Variants in R3HDM2 observed in about 807,000 individuals in gnomAD.
R3HDM2 encodes the protein R3H domain containing 2, also known as R3H domain-containing protein 2.
R3HDM2 carries 38 observed loss-of-function variants against 124.5 expected under a neutral mutation model. That is an observed-to-expected ratio of 0.31 (90% CI 0.24 to 0.40). The LOEUF (loss-of-function observed/expected upper bound fraction) is 0.40, where lower values mean the gene tolerates loss of function less well. Among genes scored for constraint, R3HDM2 ranks in the 10% least tolerant of loss-of-function variants. The pLI, the probability that R3HDM2 is intolerant of heterozygous loss-of-function variation, is 1.00. For missense variants in R3HDM2, 869 were observed against 1,236.9 expected, an observed-to-expected ratio of 0.70 and a Z score of 4.46; for synonymous variants, 391 against 448.0, an observed-to-expected ratio of 0.87 and a Z score of 1.61.
chr12:57,346,037 G>A (rs1402842136), intron 2 of R3HDM2, among the ~76,000 whole-genome samples: 1 of 151,870 alleles, frequency 6.6e-6, no homozygotes, highest in Non-Finnish European at 1.5e-5. Context: ...GTGGGTGCCT[G>A]TAATCCCAGC....
At chr12:57,364,923 A>T (rs1247965054) in intron 2 of R3HDM2, among the ~76,000 whole-genome samples, 1 of 137,130 alleles carries the variant, frequency 7.3e-6, no homozygotes, top group Non-Finnish European at 1.5e-5. Context: ...ACTGCACTCC[A>T]GCCTGGGTGA....
Position 57,354,926 on chromosome 12 carries a change from G to A in R3HDM2, c.-36+40823C>T, listed in dbSNP as rs529777044. Among the ~76,000 whole-genome samples the A allele has an allele frequency of 6.6e-4, 100 of 151,980 alleles. 1 individual carries two copies. Among genetic ancestry groups the A allele is most frequent in the African/African-American group, 2.4e-3 (98 of 41,524 alleles). On this transcript the variant is annotated intron_variant, in intron 2 of 23. Coordinates refer to ENST00000402412, the MANE Select transcript of R3HDM2 (RefSeq NM_001394031.1). ...TGCAGCCTCGACCTCTCAGACTCAA[G>A]CGATTCTCCCACCTCAGCCTCCTGA...
At chr12:57,297,481 T>C in intron 7 of R3HDM2, 94 bp from the exon 8 acceptor site, 1 of 732,318 alleles carries the variant, frequency 1.4e-6, no homozygotes, top group East Asian at 2.9e-5. Context: ...ACTTGCTCAT[T>C]ACAGAAGCTG....
chr12:57,395,985 C>A (rs2067441626), intron 1 of R3HDM2, among the ~76,000 whole-genome samples, 167 bp from the exon 2 acceptor site: 1 of 152,120 alleles, frequency 6.6e-6, no homozygotes, highest in Non-Finnish European at 1.5e-5. Context: ...CCCTCTATAT[C>A]CATTCCCACT....
chr12:57,287,952 T>G (rs945324101), intron 12 of R3HDM2, among the ~76,000 whole-genome samples: 1 of 151,422 alleles, frequency 6.6e-6, no homozygotes, highest in African/African-American at 2.4e-5. Context: ...TCAGAGTAAG[T>G]AATGAACAAT....
At chr12:57,332,921 T>C (rs1446711645) in intron 2 of R3HDM2, among the ~76,000 whole-genome samples, 1 of 152,224 alleles carries the variant, frequency 6.6e-6, no homozygotes, top group African/African-American at 2.4e-5. Flanking sequence ...TCGCTTTCAA[T>C]CCTTTAGCTC....
chr12:57,394,334 G>T (rs556835297), intron 2 of R3HDM2, among the ~76,000 whole-genome samples: 3 of 151,630 alleles, frequency 2.0e-5, no homozygotes, highest in Non-Finnish European at 4.4e-5. Flanking sequence ...CAGCGGGCAC[G>T]GTGGTGGCTC....
intron 2 of R3HDM2, among the ~76,000 whole-genome samples, chr12:57,391,979 T>C (rs766432553): frequency 3.3e-5 from 5 of 152,162 alleles, no homozygotes; most frequent in Non-Finnish European, 7.4e-5. Context: ...CTGGCCAACA[T>C]GGCAAAATCC....
chr12:57,404,030 AT>A (rs2068285505), intron 1 of R3HDM2, among the ~76,000 whole-genome samples: 1 of 151,030 alleles, frequency 6.6e-6, no homozygotes, highest in Non-Finnish European at 1.5e-5. Flanking sequence ...CTAAAAAAAA[AT>A]AATAAAAATA....
intron 3 of R3HDM2, among the ~76,000 whole-genome samples, chr12:57,304,026 A>G (rs1161970223): frequency 5.3e-5 from 8 of 152,166 alleles, no homozygotes; most frequent in Admixed American, 6.5e-5. Flanking sequence ...ACCATCACTT[A>G]TAATATCTTT....
intron 7 of R3HDM2, chr12:57,297,669 A>G: frequency 2.7e-6 from 1 of 373,184 alleles, no homozygotes; most frequent in Non-Finnish European, 4.8e-6. Context: ...TCATATAAAC[A>G]CACGTTATAA....
chr12:57,275,849 G>C (rs995920254), intron 14 of R3HDM2, among the ~76,000 whole-genome samples: 8 of 152,156 alleles, frequency 5.3e-5, no homozygotes, highest in South Asian at 4.1e-4. Flanking sequence ...CAGTGTCAGG[G>C]AACACTTCTA....
chr12:57,356,873 C>T (rs1205016109), intron 2 of R3HDM2, among the ~76,000 whole-genome samples: 3 of 152,066 alleles, frequency 2.0e-5, no homozygotes, highest in African/African-American at 7.2e-5. Context: ...TTTGGGAGGC[C>T]GAGGCGGGCG....
At chr12:57,405,772 T>G (rs2068471978) in intron 1 of R3HDM2, among the ~76,000 whole-genome samples, 1 of 152,132 alleles carries the variant, frequency 6.6e-6, no homozygotes, top group Non-Finnish European at 1.5e-5. Context: ...ACCAACACAC[T>G]AAGCAAATGA....
Position 57,341,324 on chromosome 12 carries a change from G to T in R3HDM2, c.-35-30861C>A, listed in dbSNP as rs557096106. ...TAGCACCTTTAAAACATCCCACTTT[G>T]GCTTCAGCTCTATTCAATGGCACCC... On this transcript the variant is annotated intron_variant, in intron 2 of 23. Transcript: ENST00000402412. The T allele has an allele frequency of 1.4e-5, 11 of 768,008 alleles. No homozygotes were observed. In the African/African-American group the frequency reaches 1.9e-4, roughly 13 times the overall value. The allele number at this position is 768,008 out of a possible 1,614,324, so 47.6% of individuals were successfully genotyped here.
In R3HDM2 at chr12:57,296,058, C is replaced by T. The variant is rs1310525396; in HGVS notation, c.701+353G>A. On this transcript the variant is annotated intron_variant, in intron 9 of 23. Transcript: ENST00000402412. The surrounding 1 kb of genome is among the most constrained non-coding windows in gnomAD (Gnocchi z 4.5). ...CTAATTTTTGTATTTTTAGTAGAGA[C>T]GGGGTTTCACCATCTTGGCCAAGCG... Among the ~76,000 whole-genome samples, 1 of 151,824 alleles carries T rather than the reference C, an allele frequency of 6.6e-6. No homozygotes were observed. Among genetic ancestry groups the T allele is most frequent in the Non-Finnish European group, 1.5e-5 (1 of 67,946 alleles).
chr12:57,429,302 G>A (rs1433574225), intron 1 of R3HDM2, among the ~76,000 whole-genome samples: 9 of 152,184 alleles, frequency 5.9e-5, no homozygotes, highest in Non-Finnish European at 1.2e-4. Flanking sequence ...AATTTAACTT[G>A]TTAGGAGTTC....
chr12:57,268,582 T>C lies in R3HDM2; in HGVS notation c.1876-125A>G, dbSNP rs1302074714. ...TCCCTACCTTAGATCCTCCTCCTGT[T>C]TTCCCCATCTGCCTAAAGAAAATGT... On this transcript the variant is annotated intron_variant, in intron 17 of 23. Transcript: ENST00000402412. The C allele has an allele frequency of 4.0e-6, 4 of 1,000,906 alleles. No homozygotes were observed. The Admixed American group carries it at 1.0e-4, about 25-fold the overall frequency. The allele number at this position is 1,000,906 out of a possible 1,614,324, so 62.0% of individuals were successfully genotyped here. A position where few individuals can be genotyped will look rare whatever the true frequency, so the allele number is the denominator to read the frequency against.
In R3HDM2 at chr12:57,296,689, A is replaced by T. The variant is rs908717393; in HGVS notation, c.561-138T>A. ...CATATTATAAGGAATATAGATATTTACTAAATGGGAACCAAATAGGTTTTT... is the reference window on the plus strand; with the variant it reads ...CATATTATAAGGAATATAGATATTTTCTAAATGGGAACCAAATAGGTTTTT... On this transcript the variant is annotated intron_variant, in intron 8 of 23. Coordinates refer to ENST00000402412, the MANE Select transcript of R3HDM2 (RefSeq NM_001394031.1). The surrounding 1 kb of genome is among the most constrained non-coding windows in gnomAD (Gnocchi z 4.5). The T allele has an allele frequency of 2.4e-5, 21 of 891,234 alleles. No individual in the cohort carries two copies. The highest frequency in any genetic ancestry group is 3.5e-5 in the Non-Finnish European group (21 of 604,070). 55.2% of individuals were successfully genotyped at this position (891,234 alleles called of 1,614,324 possible).
Sources: gnomAD v4.1 joint callset for allele counts (sites outside exome capture counted in the v4.1 genomes callset) on GRCh38, gnomAD v4.1.1 for gene constraint, Gnocchi (gnomAD v3.1) non-coding constraint, MANE v1.5 for transcripts, NCBI Gene and HGNC (gene_info 2026-07-23, HGNC 2026-07-21) for gene names.